Variants in RAB14 observed in about 807,000 individuals in gnomAD.
RAB14 encodes the protein ras-related protein Rab-14.
In RAB14, 3 loss-of-function variants were observed where a neutral mutation model predicts 31.1. The ratio of observed to expected loss-of-function variants is 0.10; its 90% CI spans 0.04 to 0.25. The LOEUF (loss-of-function observed/expected upper bound fraction) is 0.25, where lower values mean the gene tolerates loss of function less well. RAB14 is among the 10% of genes least tolerant of loss of function. The pLI is 1.00. For missense variants in RAB14, 111 were observed against 260.1 expected (o/e 0.43, Z 3.94); for synonymous variants, 85 against 84.9 (o/e 1.00, Z 0.00).
intron 1 of RAB14, among the ~76,000 whole-genome samples, chr9:121,197,320 CA>C (rs1057305831): frequency 2.6e-5 from 4 of 152,034 alleles, no homozygotes; most frequent in African/African-American, 7.2e-5. Context: ...TGAAACATAC[CA>C]GTTTTCACCA....
At position 121,192,113 on chromosome 9, in the gene RAB14, AAGT is replaced by A. The variant is rs961367991; in HGVS notation, c.106+55_106+57del. 3.1e-4 allele frequency: 401 copies of A among 1,313,730 alleles called. No individual in the cohort carries two copies. In the African/African-American group the frequency reaches 4.7e-3, roughly 15 times the overall value. 81.4% of individuals were successfully genotyped at this position (1,313,730 alleles called of 1,614,324 possible). On this transcript the variant is annotated intron_variant, in intron 3 of 7. Coordinates refer to ENST00000373840, the MANE Select transcript of RAB14 (RefSeq NM_016322.4). Reference sequence around the variant, plus strand: ...TATACTGAAAATGACACTTTCTAAAAAGTAGAAACATGGCGATAAAGAAAACTA... The same window carrying A: ...TATACTGAAAATGACACTTTCTAAAAAGAAACATGGCGATAAAGAAAACTA...
chr9:121,198,656 T>C (rs1421680333), intron 1 of RAB14, among the ~76,000 whole-genome samples: 2 of 152,250 alleles, frequency 1.3e-5, no homozygotes, highest in Non-Finnish European at 2.9e-5. Context: ...GGACTGCTTC[T>C]GTAGTTCCAA....
At chr9:121,192,395 T>C (rs2053691707) in intron 2 of RAB14, among the ~76,000 whole-genome samples, 171 bp from the exon 3 acceptor site, 1 of 152,124 alleles carries the variant, frequency 6.6e-6, no homozygotes, top group Non-Finnish European at 1.5e-5. Flanking sequence ...ACAAATGGAA[T>C]ATTATTCCCA....
chr9:121,199,000 C>A (rs1588373394), intron 1 of RAB14, among the ~76,000 whole-genome samples: 4 of 151,980 alleles, frequency 2.6e-5, no homozygotes. Context: ...TAATGTGAAT[C>A]ATTTTTAAAA....
chr9:121,196,744 T>C (rs2053719190), intron 1 of RAB14, among the ~76,000 whole-genome samples: 2 of 152,186 alleles, frequency 1.3e-5, no homozygotes, highest in African/African-American at 4.8e-5. Context: ...ATGAATTACA[T>C]TCAGAGGATG....
chr9:121,183,694 TG>T (rs1208941400), intron 5 of RAB14, among the ~76,000 whole-genome samples: 1 of 152,234 alleles, frequency 6.6e-6, no homozygotes, highest in Non-Finnish European at 1.5e-5. Context: ...TGGGTTTTTT[TG>T]TTGTTGTTTT....
chr9:121,181,586 T>C lies in RAB14; in HGVS notation c.471-13A>G. The stretch of plus-strand genomic sequence containing the variant: ...TACATTCTCTCCCCTAAGAGGCAAT[T>C]GATAACTTTATTGGAGAACCACAGT... On this transcript the variant is annotated splice_polypyrimidine_tract_variant and intron_variant, in intron 7 of 7. Coordinates refer to ENST00000373840, the MANE Select transcript of RAB14 (RefSeq NM_016322.4). The C allele has an allele frequency of 1.9e-6, 3 of 1,594,194 alleles. No homozygotes were observed. Among genetic ancestry groups the C allele is most frequent in the Non-Finnish European group, 2.6e-6 (3 of 1,164,172 alleles).
intron 3 of RAB14, among the ~76,000 whole-genome samples, chr9:121,191,554 A>G (rs1310439652): frequency 6.6e-6 from 1 of 152,146 alleles, no homozygotes; most frequent in Non-Finnish European, 1.5e-5. Context: ...GTCTAAGCCA[A>G]TTAACAAATT....
At position 121,193,347 on chromosome 9, in the gene RAB14, T is replaced by A; in HGVS notation, c.52+14A>T. On this transcript the variant is annotated intron_variant, in intron 2 of 7. Coordinates refer to ENST00000373840, the MANE Select transcript of RAB14 (RefSeq NM_016322.4). ...CTTCTTTTGGGAACAAGAGTGTAAG[T>A]TAAATAAACTTACCAATAATAATAT... The A allele has an allele frequency of 6.5e-7, 1 of 1,537,612 alleles. No homozygotes were observed. The highest frequency in any genetic ancestry group is 1.2e-5 in the South Asian group (1 of 85,996).
chr9:121,200,163 T>C (rs2053751523), intron 1 of RAB14, among the ~76,000 whole-genome samples: 2 of 152,200 alleles, frequency 1.3e-5, no homozygotes, highest in Admixed American at 1.3e-4. Context: ...CTTGACAGTA[T>C]GACTCCAAAA....
At chr9:121,182,905 A>G (rs1376430626) in intron 7 of RAB14, 25 bp downstream of exon 7, 5 of 1,590,458 alleles carry the variant, frequency 3.1e-6, no homozygotes, top group African/African-American at 1.3e-5. Context: ...TATAATTGAA[A>G]TATCTGTATT....
At position 121,181,386 on chromosome 9, in the gene RAB14, A is replaced by G; in HGVS notation, c.*10T>C. ...GAAAGGTCAAATGAGGGGCCACAGC[A>G]AAGAGGTCACTAGCAGCCACAGCCT... On this transcript the variant is annotated 3_prime_UTR_variant, in exon 8 of 8. Coordinates refer to ENST00000373840, the MANE Select transcript of RAB14 (RefSeq NM_016322.4). 1 of 1,584,098 alleles carries G rather than the reference A, an allele frequency of 6.3e-7. No homozygotes were observed. The highest frequency in any genetic ancestry group is 8.6e-7 in the Non-Finnish European group (1 of 1,158,406).
chr9:121,196,781 A>C (rs1401105523), intron 1 of RAB14, among the ~76,000 whole-genome samples: 1 of 152,214 alleles, frequency 6.6e-6, no homozygotes, highest in Non-Finnish European at 1.5e-5. Context: ...TATAGATATA[A>C]ATGACTGGTA....
chr9:121,181,744 C>CAT (rs1175575277), intron 7 of RAB14, among the ~76,000 whole-genome samples, 171 bp from the exon 8 acceptor site: 1 of 102,900 alleles, frequency 9.7e-6, no homozygotes, highest in Non-Finnish European at 2.0e-5. Flanking sequence ...AACTATTTTC[C>CAT]TTTTTTTTTT....
intron 4 of RAB14, among the ~76,000 whole-genome samples, chr9:121,187,704 T>C (rs563477977): frequency 1.3e-5 from 2 of 152,026 alleles, no homozygotes; most frequent in Admixed American, 6.6e-5. Context: ...ATAGGCTCAT[T>C]TGCACTAGCC....
chr9:121,201,118 G>A (rs974510153), intron 1 of RAB14, among the ~76,000 whole-genome samples: 3 of 152,058 alleles, frequency 2.0e-5, no homozygotes, highest in Non-Finnish European at 4.4e-5. Flanking sequence ...AAGGACACCG[G>A]AGCTGCCCCG....
intron 1 of RAB14, among the ~76,000 whole-genome samples, chr9:121,201,207 G>A (rs1419723720): frequency 1.3e-5 from 2 of 152,232 alleles, no homozygotes; most frequent in East Asian, 1.9e-4. Context: ...GCCACGTCTG[G>A]GGCTTGCGGG....
Position 121,192,153 on chromosome 9 carries a change from C to A in RAB14, c.106+18G>T. The A allele has an allele frequency of 1.3e-6, 2 of 1,524,654 alleles. No homozygotes were observed. Among genetic ancestry groups the A allele is most frequent in the Non-Finnish European group, 1.8e-6 (2 of 1,108,282 alleles). 94.4% of individuals were successfully genotyped at this position (1,524,654 alleles called of 1,614,324 possible). The stretch of plus-strand genomic sequence containing the variant: ...GATAAAGAAAACTATTAATGTTTAC[C>A]TCATGTATTGAACTTACATTTTTTT... On this transcript the variant is annotated intron_variant, in intron 3 of 7. Transcript: ENST00000373840.
intron 4 of RAB14, among the ~76,000 whole-genome samples, chr9:121,190,135 A>C (rs2053678973): frequency 6.6e-6 from 1 of 152,168 alleles, no homozygotes; most frequent in South Asian, 2.1e-4. Flanking sequence ...ATAATCTACC[A>C]TGCTGGACTA....
Sources: allele counts gnomAD v4.1 joint callset (sites outside exome capture counted in the v4.1 genomes callset), GRCh38; gene constraint gnomAD v4.1.1; transcripts MANE v1.5; gene names NCBI Gene and HGNC (gene_info 2026-07-23, HGNC 2026-07-21).